GLG1: variants seen among roughly 807,000 people sequenced by gnomAD.
GLG1 encodes Golgi apparatus protein 1.
Under a neutral mutation model 160.5 loss-of-function variants are expected in GLG1, and 38 were observed. The ratio of observed to expected loss-of-function variants is 0.24; its 90% CI spans 0.18 to 0.31. GLG1 has a LOEUF of 0.31. Among genes scored for constraint, GLG1 ranks in the 10% least tolerant of loss-of-function variants. The probability of loss-of-function intolerance (pLI) is 1.00; values close to 1 mark genes in which losing one functional copy is unlikely to be tolerated. For missense variants in GLG1, 1,373 were observed against 1,505.2 expected (o/e 0.91, Z 1.45); for synonymous variants, 644 against 543.4 (o/e 1.19, Z -2.57).
At chr16:74,586,036 C>A (rs560558323) in intron 1 of GLG1, among the ~76,000 whole-genome samples, 1 of 148,734 alleles carries the variant, frequency 6.7e-6, no homozygotes, top group East Asian at 2.0e-4. Flanking sequence ...GCACTCTAGC[C>A]TGGACAACAG....
chr16:74,512,984 G>C (rs865801534), intron 2 of GLG1, among the ~76,000 whole-genome samples: 1 of 152,014 alleles, frequency 6.6e-6, no homozygotes, highest in African/African-American at 2.4e-5. Flanking sequence ...AAAGTAGAAA[G>C]GACACAAAGA....
At chr16:74,467,609 T>A (rs542773915) in intron 18 of GLG1, 147 bp downstream of exon 18, 1 of 566,988 alleles carries the variant, frequency 1.8e-6, no homozygotes, top group East Asian at 3.1e-5. Context: ...TAAGAAGGGA[T>A]TAGGTTGGAA....
chr16:74,484,528 C>T (rs1435231608), intron 9 of GLG1, among the ~76,000 whole-genome samples: 5 of 151,720 alleles, frequency 3.3e-5, no homozygotes, highest in South Asian at 4.2e-4. Flanking sequence ...TTTGGGAGGC[C>T]GAGGCGGGTG....
chr16:74,479,224 G>C (rs2015509985), intron 11 of GLG1, among the ~76,000 whole-genome samples: 1 of 103,214 alleles, frequency 9.7e-6, no homozygotes, highest in African/African-American at 4.0e-5. Flanking sequence ...ACATTCAAGA[G>C]TGAGGCTTTG....
Position 74,496,492 on chromosome 16 carries a change from G to C in GLG1, c.927C>G (p.Asp309Glu). ...AELSSDDFHL[D>E]RHLYFACRDD... Reference sequence around the variant, plus strand: ...CTCGGCAAGCAAAATATAAATGCCGGTCTAAGTGAAAGTCATCCGATGACA... The same window carrying C: ...CTCGGCAAGCAAAATATAAATGCCGCTCTAAGTGAAAGTCATCCGATGACA... The change falls in exon 5 of 26, where the codon GAC (aspartate) becomes GAG (glutamate). Residue 309 changes from aspartate to glutamate, a missense_variant. Coordinates refer to ENST00000422840, the MANE Select transcript of GLG1 (RefSeq NM_001145667.2). 1 of 1,613,974 alleles carries C rather than the reference G, an allele frequency of 6.2e-7. No homozygotes were observed. Among genetic ancestry groups the C allele is most frequent in the Non-Finnish European group, 8.5e-7 (1 of 1,179,934 alleles).
intron 1 of GLG1, among the ~76,000 whole-genome samples, chr16:74,598,008 C>T (rs185607923): frequency 7.2e-5 from 11 of 152,206 alleles, no homozygotes; most frequent in Admixed American, 1.3e-4. Flanking sequence ...AAGAGCAAGA[C>T]TCTGTCTCGA....
intron 14 of GLG1, among the ~76,000 whole-genome samples, chr16:74,471,892 T>G (rs1400301810): frequency 8.0e-6 from 1 of 125,388 alleles, no homozygotes; most frequent in African/African-American, 3.1e-5. Context: ...TGGTAGCATC[T>G]CTCTCTCGAT....
intron 4 of GLG1, among the ~76,000 whole-genome samples, chr16:74,497,421 A>G (rs905470705): frequency 4.0e-5 from 6 of 150,672 alleles, no homozygotes; most frequent in Admixed American, 4.0e-4. Flanking sequence ...CATTTCCCAA[A>G]TAACAGTGCT....
intron 2 of GLG1, among the ~76,000 whole-genome samples, chr16:74,513,093 G>C (rs11645822): frequency 0.019 from 2,915 of 152,230 alleles, 42 homozygotes; most frequent in South Asian, 0.032. Flanking sequence ...GAATACCGCA[G>C]TTCATATTAA....
chr16:74,500,863 TA>T (rs1435464451), intron 4 of GLG1, among the ~76,000 whole-genome samples: 6 of 152,246 alleles, frequency 3.9e-5, no homozygotes, highest in African/African-American at 1.4e-4. Context: ...TATAAAATTC[TA>T]AAGCCTTTAT....
intron 24 of GLG1, 64 bp downstream of exon 24, chr16:74,457,810 A>T: frequency 6.7e-7 from 1 of 1,499,414 alleles, no homozygotes; most frequent in African/African-American, 1.4e-5. Flanking sequence ...CTGATGTCTA[A>T]GAGGGAGTCT....
chr16:74,465,237 G>A (rs1413061345), intron 19 of GLG1, among the ~76,000 whole-genome samples: 1 of 152,238 alleles, frequency 6.6e-6, no homozygotes, highest in African/African-American at 2.4e-5. Flanking sequence ...AGGAGGGAAT[G>A]AAGCAAAACA....
chr16:74,468,711 A>C (rs1567461949), intron 17 of GLG1: 1 of 524,424 alleles, frequency 1.9e-6, no homozygotes, highest in Non-Finnish European at 3.5e-6. Flanking sequence ...ATGCTTAGTT[A>C]GAGCCTGTCT....
intron 19 of GLG1, 44 bp from the exon 20 acceptor site, chr16:74,463,523 G>A (rs767739138): frequency 1.1e-5 from 18 of 1,596,662 alleles, no homozygotes; most frequent in South Asian, 3.4e-5. Context: ...TAAACATGGC[G>A]ATTAACTCCA....
At chr16:74,589,352 T>A (rs1308030078) in intron 1 of GLG1, among the ~76,000 whole-genome samples, 1 of 152,034 alleles carries the variant, frequency 6.6e-6, no homozygotes, top group East Asian at 1.9e-4. Context: ...GTTCATTCAA[T>A]CTAACAAAAA....
intron 1 of GLG1, among the ~76,000 whole-genome samples, chr16:74,575,138 T>C (rs2018965465): frequency 6.7e-6 from 1 of 149,890 alleles, no homozygotes; most frequent in Non-Finnish European, 1.5e-5. Flanking sequence ...TCCCAGCTAC[T>C]CAGGAGGCTG....
chr16:74,596,949 T>A (rs572995973), intron 1 of GLG1, among the ~76,000 whole-genome samples: 3 of 151,590 alleles, frequency 2.0e-5, no homozygotes, highest in Non-Finnish European at 4.4e-5. Context: ...AGACCTCATC[T>A]CTACAAAAAA....
intron 6 of GLG1, among the ~76,000 whole-genome samples, chr16:74,493,664 G>C (rs1266117100): frequency 4.6e-5 from 7 of 152,128 alleles, no homozygotes; most frequent in Non-Finnish European, 1.0e-4. Context: ...TAAATGACAA[G>C]ATAGCAAAAT....
intron 2 of GLG1, among the ~76,000 whole-genome samples, chr16:74,526,271 A>C (rs1291898175): frequency 2.0e-5 from 3 of 147,480 alleles, no homozygotes; most frequent in Non-Finnish European, 4.5e-5. Flanking sequence ...TTCTCTGGAA[A>C]GTAATGTAAA....
Sources: allele counts gnomAD v4.1 joint callset (sites outside exome capture counted in the v4.1 genomes callset), GRCh38; gene constraint gnomAD v4.1.1; transcripts MANE v1.5; gene names NCBI Gene and HGNC (gene_info 2026-07-23, HGNC 2026-07-21).